Variants in COL15A1 observed in about 807,000 individuals in gnomAD.
COL15A1 encodes the protein collagen type XV alpha 1 chain.
COL15A1 carries 111 observed loss-of-function variants against 165.9 expected under a neutral mutation model. That is an observed-to-expected ratio of 0.67 (90% CI 0.57 to 0.78). The LOEUF is 0.78. COL15A1 is among the 30% of genes least tolerant of loss of function. The probability of loss-of-function intolerance (pLI) is 0.00; values close to 1 mark genes in which losing one functional copy is unlikely to be tolerated. For synonymous variants in COL15A1, 659 were observed against 674.8 expected (o/e 0.98, Z 0.36); for missense variants, 1,745 against 1,789.7 (o/e 0.98, Z 0.45).
At chr9:98,982,481 A>T (rs962355806) in intron 2 of COL15A1, among the ~76,000 whole-genome samples, 4 of 152,170 alleles carry the variant, frequency 2.6e-5, no homozygotes, top group Admixed American at 6.5e-5. Flanking sequence ...ATCAAATCAG[A>T]CAGGGCAGGG....
intron 24 of COL15A1, 150 bp from the exon 25 acceptor site, chr9:99,044,418 C>A: frequency 1.4e-6 from 1 of 694,296 alleles, no homozygotes. Context: ...AGTGGGGTTT[C>A]AAGTAGGATG....
At chr9:99,015,653 G>A in intron 10 of COL15A1, 87 bp downstream of exon 10, 2 of 1,308,668 alleles carry the variant, frequency 1.5e-6, no homozygotes, top group Non-Finnish European at 2.1e-6. Flanking sequence ...CCTTGGCAGG[G>A]GCACCTGTAG....
rs1048026314 is a variant in COL15A1, at chr9:99,066,965, A to G, written c.3735A>G (p.Gly1245=). The G allele has an allele frequency of 6.2e-7, 1 of 1,614,144 alleles. No individual in the cohort carries two copies. Among genetic ancestry groups the G allele is most frequent in the Non-Finnish European group, 8.5e-7 (1 of 1,180,004 alleles). ...FQCFKQARAA[G]LLSTYRAFLS... The stretch of plus-strand genomic sequence containing the variant: ...GCTTCAAGCAGGCCAGAGCTGCAGG[A>G]CTGTTGTCCACCTACCGAGCATTCT... Residue 1245 remains glycine (G), a synonymous_variant, in exon 40 of 42, where the codon GGA becomes GGG. Coordinates refer to ENST00000375001, the MANE Select transcript of COL15A1 (RefSeq NM_001855.5).
chr9:98,979,731 TA>T (rs1346532252), intron 2 of COL15A1, among the ~76,000 whole-genome samples: 1 of 152,166 alleles, frequency 6.6e-6, no homozygotes, highest in Non-Finnish European at 1.5e-5. Flanking sequence ...ACCAATCTTT[TA>T]ACTAAAATTA....
chr9:99,021,552 T>C (rs1839027870), intron 12 of COL15A1, among the ~76,000 whole-genome samples: 1 of 152,218 alleles, frequency 6.6e-6, no homozygotes, highest in African/African-American at 2.4e-5. Context: ...CTTTTCCAAA[T>C]GTGTGCTTCT....
intron 24 of COL15A1, among the ~76,000 whole-genome samples, chr9:99,043,667 G>T (rs1839449301): frequency 6.6e-6 from 1 of 152,074 alleles, no homozygotes; most frequent in Admixed American, 6.6e-5. Context: ...GAAGAAAGAG[G>T]CTGCTCTGCT....
At chr9:99,032,876 G>A (rs1839230828) in intron 16 of COL15A1, among the ~76,000 whole-genome samples, 1 of 152,012 alleles carries the variant, frequency 6.6e-6, no homozygotes, top group Non-Finnish European at 1.5e-5. Flanking sequence ...TCTCTAATTG[G>A]TTCTTTATCA....
At chr9:99,046,252 C>G (rs1301123695) in intron 26 of COL15A1, among the ~76,000 whole-genome samples, 2 of 152,156 alleles carry the variant, frequency 1.3e-5, no homozygotes, top group Non-Finnish European at 2.9e-5. Flanking sequence ...GCCCTAGTGA[C>G]CAGTGTAGCT....
intron 2 of COL15A1, among the ~76,000 whole-genome samples, chr9:98,951,834 A>G (rs1044350455): frequency 4.6e-5 from 7 of 152,216 alleles, no homozygotes; most frequent in African/African-American, 1.7e-4. Context: ...CTGGGATTAC[A>G]GGCGTGAGCC....
At chr9:99,012,703 CTTTTTTTTTTTT>C (rs1156464062) in intron 9 of COL15A1, among the ~76,000 whole-genome samples, 33 of 99,746 alleles carry the variant, frequency 3.3e-4, no homozygotes, top group Non-Finnish European at 4.2e-4. Flanking sequence ...GTTTCCCACC[CTTTTTTTTTTTT>C]TTTTTTTTTT....
At chr9:99,057,312 G>A (rs1265330577) in intron 35 of COL15A1, among the ~76,000 whole-genome samples, 6 of 152,158 alleles carry the variant, frequency 3.9e-5, no homozygotes, top group African/African-American at 1.2e-4. Context: ...ATGATGTTGA[G>A]CATCTTTTCA....
chr9:98,973,965 G>A (rs1460140669), intron 2 of COL15A1, among the ~76,000 whole-genome samples: 2 of 152,260 alleles, frequency 1.3e-5, no homozygotes, highest in African/African-American at 2.4e-5. Flanking sequence ...GAGAAGGGAA[G>A]GGACTGCTCA....
intron 39 of COL15A1, among the ~76,000 whole-genome samples, chr9:99,063,689 G>A: frequency 6.6e-6 from 1 of 152,136 alleles, no homozygotes; most frequent in Non-Finnish European, 1.5e-5. Context: ...AATCAGAAGG[G>A]ACAGGAGCAG....
rs181856299 is a variant in COL15A1 at position 98,991,230 on chromosome 9, C to T, written c.804+1972C>T. ...CCTCACCAAGTTGCCGCTGCTCACT[C>T]AGGCAGCCTGCTTTTGTTCCCTTAT... On this transcript the variant is annotated intron_variant, in intron 5 of 41. Transcript: ENST00000375001. Among the ~76,000 whole-genome samples, 5 of 146,198 alleles carry T rather than the reference C, an allele frequency of 3.4e-5. No homozygotes were observed. In the East Asian group the frequency reaches 1.0e-3, roughly 29 times the overall value.
intron 2 of COL15A1, among the ~76,000 whole-genome samples, chr9:98,965,554 T>C (rs1441413035): frequency 1.3e-5 from 2 of 152,128 alleles, no homozygotes; most frequent in African/African-American, 4.8e-5. Context: ...ATTCTCTCCT[T>C]TTTGCTCCAA....
At chr9:99,064,034 G>A (rs1343189349) in intron 39 of COL15A1, among the ~76,000 whole-genome samples, 1 of 151,952 alleles carries the variant, frequency 6.6e-6, no homozygotes, top group Non-Finnish European at 1.5e-5. Flanking sequence ...GCCAGGCCTG[G>A]GACTCTTGTC....
At chr9:99,020,893 C>T (rs1226810892) in intron 12 of COL15A1, among the ~76,000 whole-genome samples, 1 of 152,228 alleles carries the variant, frequency 6.6e-6, no homozygotes. Flanking sequence ...AAGTTCTTTA[C>T]TATTTCTTTG....
At chr9:99,062,166 T>C in intron 37 of COL15A1, 67 bp downstream of exon 37, 6 of 1,602,726 alleles carry the variant, frequency 3.7e-6, no homozygotes, top group Non-Finnish European at 5.1e-6. Flanking sequence ...TCTACTCCCA[T>C]AAATGCCATT....
At chr9:99,048,339 G>A (rs1839528049) in intron 28 of COL15A1, among the ~76,000 whole-genome samples, 1 of 152,086 alleles carries the variant, frequency 6.6e-6, no homozygotes, top group South Asian at 2.1e-4. Context: ...CACAGTCCCA[G>A]GGATCACTCA....
Sources: gnomAD v4.1 joint callset for allele counts (sites outside exome capture counted in the v4.1 genomes callset) on GRCh38, gnomAD v4.1.1 for gene constraint, MANE v1.5 for transcripts, NCBI Gene and HGNC (gene_info 2026-07-23, HGNC 2026-07-21) for gene names.